CSMD1: variants seen among roughly 807,000 people sequenced by gnomAD.
CSMD1 encodes CUB and sushi domain-containing protein 1.
Under a neutral mutation model 417.5 loss-of-function variants are expected in CSMD1, and 213 were observed. That is an observed-to-expected ratio of 0.51 (90% CI 0.46 to 0.57). The LOEUF is 0.57. Among genes scored for constraint, CSMD1 ranks in the 20% least tolerant of loss-of-function variants. The pLI is 0.00. For missense variants in CSMD1, 6,923 were observed against 4,529.7 expected (o/e 1.53, Z -15.17); for synonymous variants, 2,862 against 1,736.8 (o/e 1.65, Z -16.11).
intron 1 of CSMD1, among the ~76,000 whole-genome samples, chr8:4,700,243 T>G (rs1334015312): frequency 6.6e-6 from 1 of 152,110 alleles, no homozygotes; most frequent in Non-Finnish European, 1.5e-5. Context: ...AGAAAGAACC[T>G]CTTGTTTTCT....
At chr8:4,053,290 T>C (rs1490643766) in intron 3 of CSMD1, among the ~76,000 whole-genome samples, 1 of 152,228 alleles carries the variant, frequency 6.6e-6, no homozygotes, top group Non-Finnish European at 1.5e-5. Context: ...TCACTGACAG[T>C]GCTTAGCATT....
At chr8:3,711,678 G>C (rs1397029666) in intron 6 of CSMD1, among the ~76,000 whole-genome samples, 5 of 152,064 alleles carry the variant, frequency 3.3e-5, no homozygotes, top group Admixed American at 6.5e-5. Flanking sequence ...GGTTCTCCTG[G>C]TGGCACACTC....
At chr8:4,151,500 C>T (rs1796567809) in intron 3 of CSMD1, among the ~76,000 whole-genome samples, 1 of 152,098 alleles carries the variant, frequency 6.6e-6, no homozygotes, top group African/African-American at 2.4e-5. Flanking sequence ...CAGAAGTGAA[C>T]CAAATGGAAG....
At chr8:3,226,896 C>G (rs926795072) in intron 27 of CSMD1, among the ~76,000 whole-genome samples, 1 of 150,934 alleles carries the variant, frequency 6.6e-6, no homozygotes. Flanking sequence ...ATTAGCTGAT[C>G]AATCAGGAAA....
intron 3 of CSMD1, among the ~76,000 whole-genome samples, chr8:4,054,615 C>G (rs922810738): frequency 6.6e-6 from 1 of 152,142 alleles, no homozygotes; most frequent in Non-Finnish European, 1.5e-5. Flanking sequence ...TAGCTTATTT[C>G]CCCATCGGAC....
intron 25 of CSMD1, among the ~76,000 whole-genome samples, chr8:3,305,782 C>T (rs572032745): frequency 6.6e-6 from 1 of 152,168 alleles, no homozygotes; most frequent in African/African-American, 2.4e-5. Flanking sequence ...TGGGTTCACA[C>T]CATTCTCCTG....
intron 3 of CSMD1, among the ~76,000 whole-genome samples, chr8:4,264,183 G>T (rs1005190362): frequency 2.0e-5 from 3 of 152,126 alleles, no homozygotes; most frequent in Admixed American, 1.3e-4. Flanking sequence ...GCTGTTATGT[G>T]GTGATGATGA....
At chr8:3,334,149 G>T (rs1281389507) in intron 23 of CSMD1, among the ~76,000 whole-genome samples, 24 of 152,156 alleles carry the variant, frequency 1.6e-4, no homozygotes, top group Admixed American at 1.4e-3. Flanking sequence ...GAGGATGCCA[G>T]AAGAAAATGA....
chr8:4,271,855 G>T (rs576315406), intron 3 of CSMD1, among the ~76,000 whole-genome samples: 1 of 152,290 alleles, frequency 6.6e-6, no homozygotes, highest in Admixed American at 6.5e-5. Flanking sequence ...GAAAGGCACA[G>T]TGCATTCCAC....
intron 21 of CSMD1, among the ~76,000 whole-genome samples, chr8:3,357,748 G>C (rs146849108): frequency 1.8e-4 from 27 of 152,168 alleles, no homozygotes; most frequent in African/African-American, 6.5e-4. Context: ...GAACTCCTAT[G>C]ATCACCTGCA....
In CSMD1 at chr8:3,741,574, C is replaced by T. The variant is rs529790296; in HGVS notation, c.931+12356G>A. On this transcript the variant is annotated intron_variant, in intron 6 of 69. Coordinates refer to ENST00000635120, the MANE Select transcript of CSMD1 (RefSeq NM_033225.6). ...ATTTATGATATGCATTTTTTGACTT[C>T]AAGATTAACTGTTTGTTAGAACCTG... 1.7e-4 allele frequency among the ~76,000 whole-genome samples: 26 copies of T among 152,278 alleles called. No homozygotes were observed. In the South Asian group the frequency reaches 4.8e-3, roughly 28 times the overall value.
At chr8:2,991,635 T>A (rs542454318) in intron 54 of CSMD1, among the ~76,000 whole-genome samples, 7 of 152,220 alleles carry the variant, frequency 4.6e-5, no homozygotes, top group Non-Finnish European at 8.8e-5. Context: ...AATTAATTGA[T>A]TAATGAAACA....
intron 4 of CSMD1, among the ~76,000 whole-genome samples, chr8:4,026,027 T>C (rs1030362400): frequency 1.3e-4 from 19 of 146,368 alleles, no homozygotes; most frequent in East Asian, 1.0e-3. Flanking sequence ...AAAAAAAAAC[T>C]CTTCAACCAG....
intron 3 of CSMD1, among the ~76,000 whole-genome samples, chr8:4,155,064 G>T (rs867990457): frequency 6.6e-6 from 1 of 152,178 alleles, no homozygotes; most frequent in African/African-American, 2.4e-5. Flanking sequence ...TCCTGTTCCA[G>T]GCCCGATTTG....
chr8:3,301,051 C>G (rs141502390), intron 25 of CSMD1, among the ~76,000 whole-genome samples: 1 of 151,122 alleles, frequency 6.6e-6, no homozygotes, highest in Admixed American at 6.6e-5. Context: ...CATGTCCACA[C>G]CACACAATAT....
chr8:3,564,604 T>G (rs1799619122), intron 10 of CSMD1, among the ~76,000 whole-genome samples: 2 of 150,776 alleles, frequency 1.3e-5, no homozygotes, highest in Admixed American at 6.6e-5. Context: ...TCCATTTTAT[T>G]TCTCAGCTCC....
chr8:4,716,205 G>C (rs1399816778), intron 1 of CSMD1, among the ~76,000 whole-genome samples: 2 of 152,128 alleles, frequency 1.3e-5, no homozygotes, highest in Non-Finnish European at 2.9e-5. Context: ...AATGGGGACT[G>C]CTCATCTAGA....
intron 1 of CSMD1, among the ~76,000 whole-genome samples, chr8:4,952,934 C>T (rs967998301): frequency 5.3e-5 from 8 of 152,080 alleles, no homozygotes; most frequent in African/African-American, 1.9e-4. Flanking sequence ...CTACATACTA[C>T]AAGACATGGC....
intron 3 of CSMD1, among the ~76,000 whole-genome samples, chr8:4,154,930 G>T (rs1413687098): frequency 6.6e-6 from 1 of 152,224 alleles, no homozygotes; most frequent in Admixed American, 6.5e-5. Flanking sequence ...CAAGTCTATT[G>T]ACAATAATAC....
Sources: allele counts gnomAD v4.1 joint callset (sites outside exome capture counted in the v4.1 genomes callset), GRCh38; gene constraint gnomAD v4.1.1; transcripts MANE v1.5; gene names NCBI Gene and HGNC (gene_info 2026-07-23, HGNC 2026-07-21).